The following SPTLC2 variants were observed in gnomAD, a reference collection of about 807,000 sequenced individuals.
SPTLC2 encodes the protein serine palmitoyltransferase long chain base subunit 2, also known as serine palmitoyltransferase 2.
A neutral mutation model predicts 62.0 loss-of-function variants in SPTLC2; 21 were observed. That is an observed-to-expected ratio of 0.34 (90% CI 0.24 to 0.49). The LOEUF is 0.49. Ranked by LOEUF, SPTLC2 falls within the 20% of genes least tolerant of loss-of-function variation. The pLI, the probability that SPTLC2 is intolerant of heterozygous loss-of-function variation, is 0.99. For missense variants in SPTLC2, 511 were observed against 713.0 expected, an observed-to-expected ratio of 0.72 and a Z score of 3.23; for synonymous variants, 261 against 261.8, an observed-to-expected ratio of 1.00 and a Z score of 0.03.
chr14:77,552,373 G>T, intron 8 of SPTLC2, 151 bp from the exon 9 acceptor site: 2 of 971,410 alleles, frequency 2.1e-6, no homozygotes, highest in Non-Finnish European at 3.2e-6. Flanking sequence ...CAACATGGTC[G>T]AAGCATACCG....
In SPTLC2 at chr14:77,515,592, C is replaced by T. The variant is rs368644619; in HGVS notation, c.1569+2446G>A. Among the ~76,000 whole-genome samples the T allele has an allele frequency of 2.1e-4, 31 of 146,110 alleles. No individual in the cohort carries two copies. In the East Asian group the frequency reaches 2.4e-3, roughly 11 times the overall value. On this transcript the variant is annotated intron_variant, in intron 11 of 11. Coordinates refer to ENST00000216484, the MANE Select transcript of SPTLC2 (RefSeq NM_004863.4). ...TGAGACAGAGTCTCGCACTGTCGCC[C>T]GGGCTGGAGTGCAGTGGTGCGATCT...
chr14:77,526,768 T>C (rs556132793), intron 9 of SPTLC2, among the ~76,000 whole-genome samples: 1 of 151,958 alleles, frequency 6.6e-6, no homozygotes. Context: ...AAGATCAATA[T>C]GCTGTAACAG....
chr14:77,591,859 G>A (rs2079819470), intron 2 of SPTLC2, among the ~76,000 whole-genome samples: 1 of 152,062 alleles, frequency 6.6e-6, no homozygotes, highest in Non-Finnish European at 1.5e-5. Flanking sequence ...AAGTAGCAGG[G>A]ATTACAGGCA....
chr14:77,596,196 G>T (rs192589362), intron 2 of SPTLC2, among the ~76,000 whole-genome samples: 1 of 152,062 alleles, frequency 6.6e-6, no homozygotes, highest in Non-Finnish European at 1.5e-5. Flanking sequence ...AAAATTAGCC[G>T]GGCACGGTGG....
At position 77,521,503 on chromosome 14, in the gene SPTLC2, T is replaced by C. The variant is rs778814968; in HGVS notation, c.1382A>G (p.Tyr461Cys). The change falls in exon 10 of 12, where the codon TAT becomes TGT. Residue 461 changes from tyrosine to cysteine, a missense_variant. Tyr to Cys is a radical substitution (Grantham distance 194). Coordinates refer to ENST00000216484, the MANE Select transcript of SPTLC2 (RefSeq NM_004863.4). ...CACTACTGGAGAGTCTTCATTTCCATAGATGATGAAGCCCATCTCTTTCAG... is the reference window on the plus strand; with the variant it reads ...CACTACTGGAGAGTCTTCATTTCCACAGATGATGAAGCCCATCTCTTTCAG... ...RRLKEMGFII[Y>C]GNEDSPVVPL... 5 of 1,614,104 alleles carry C rather than the reference T, an allele frequency of 3.1e-6. No individual in the cohort carries two copies. The highest frequency in any genetic ancestry group is 2.2e-5 in the East Asian group (1 of 44,874).
At chr14:77,548,030 A>G (rs1024094806) in intron 9 of SPTLC2, among the ~76,000 whole-genome samples, 1 of 151,910 alleles carries the variant, frequency 6.6e-6, no homozygotes, top group African/African-American at 2.4e-5. Context: ...TTAAACCTCA[A>G]TCTGCTCAGG....
At chr14:77,525,117 ATAT>A (rs1186290722) in intron 9 of SPTLC2, among the ~76,000 whole-genome samples, 1 of 151,060 alleles carries the variant, frequency 6.6e-6, no homozygotes. Flanking sequence ...TACCCCATAA[ATAT>A]TATGTATCAA....
intron 3 of SPTLC2, among the ~76,000 whole-genome samples, chr14:77,577,222 A>G (rs1389107956): frequency 1.4e-5 from 2 of 141,176 alleles, no homozygotes; most frequent in Non-Finnish European, 1.6e-5. Flanking sequence ...TTATCCATTA[A>G]AAGATATACA....
intron 9 of SPTLC2, among the ~76,000 whole-genome samples, chr14:77,548,332 C>T (rs2079539939): frequency 6.6e-6 from 1 of 152,190 alleles, no homozygotes; most frequent in African/African-American, 2.4e-5. Context: ...CTAGATGTCA[C>T]ACACTAAGCT....
Position 77,549,307 on chromosome 14 carries a change from C to T in SPTLC2, c.1303+2789G>A, listed in dbSNP as rs181064576. Among the ~76,000 whole-genome samples, 20 of 151,918 alleles carry T rather than the reference C, an allele frequency of 1.3e-4. No individual in the cohort carries two copies. In the East Asian group the frequency reaches 1.4e-3, roughly 10 times the overall value. ...AATCTAGTTCCCCACCCCTTCAATC[C>T]GGGATGGCCTTAGTGACCTGCTTGT... On this transcript the variant is annotated intron_variant, in intron 9 of 11. Transcript: ENST00000216484.
chr14:77,528,680 T>C (rs915661339), intron 9 of SPTLC2, among the ~76,000 whole-genome samples: 4 of 152,204 alleles, frequency 2.6e-5, no homozygotes, highest in African/African-American at 7.2e-5. Flanking sequence ...GGATAAAATA[T>C]GGAAAAATAC....
At chr14:77,563,436 A>ATG (rs1017962973) in intron 5 of SPTLC2, among the ~76,000 whole-genome samples, 10 of 151,918 alleles carry the variant, frequency 6.6e-5, no homozygotes, top group East Asian at 3.9e-4. Context: ...TATTGTGTGT[A>ATG]TGTGTGTGTG....
intron 1 of SPTLC2, among the ~76,000 whole-genome samples, chr14:77,606,661 T>A (rs1457848445): frequency 6.6e-6 from 1 of 152,136 alleles, no homozygotes; most frequent in African/African-American, 2.4e-5. Flanking sequence ...CCACTCATTC[T>A]ACAAATACTT....
At chr14:77,543,008 T>C (rs2079509514) in intron 9 of SPTLC2, among the ~76,000 whole-genome samples, 2 of 152,202 alleles carry the variant, frequency 1.3e-5, no homozygotes, top group South Asian at 2.1e-4. Context: ...ATCAAGGAAC[T>C]GAGTTTTAAC....
intron 1 of SPTLC2, among the ~76,000 whole-genome samples, chr14:77,600,770 TAAAAG>T (rs1264559101): frequency 6.6e-6 from 1 of 152,076 alleles, no homozygotes; most frequent in Non-Finnish European, 1.5e-5. Context: ...TAAGAAAATG[TAAAAG>T]AAAATAAAAA....
At chr14:77,609,636 C>T (rs567916373) in intron 1 of SPTLC2, among the ~76,000 whole-genome samples, 44 of 152,078 alleles carry the variant, frequency 2.9e-4, no homozygotes, top group African/African-American at 9.4e-4. Context: ...ACTCGGAAGG[C>T]GGAGGCAGGA....
chr14:77,510,879 A>G lies in SPTLC2; in HGVS notation c.*1405T>C, dbSNP rs1416988821. ...AACTGATCCTGGGTATAATATGCCA[A>G]AAGTCCTCTTCACTTAAACTTTGGT... On this transcript the variant is annotated 3_prime_UTR_variant, in exon 12 of 12. Transcript: ENST00000216484. 1 of 152,646 alleles carries G rather than the reference A, an allele frequency of 6.6e-6. No homozygotes were observed. Among genetic ancestry groups the G allele is most frequent in the African/African-American group, 2.4e-5 (1 of 41,450 alleles). 9.5% of individuals were successfully genotyped at this position (152,646 alleles called of 1,614,324 possible).
At chr14:77,616,343 G>C in intron 1 of SPTLC2, 105 bp downstream of exon 1, 2 of 667,916 alleles carry the variant, frequency 3.0e-6, no homozygotes, top group Non-Finnish European at 4.1e-6. Context: ...AACGGCGCCC[G>C]CCCCGCGGAT....
At chr14:77,549,227 C>CAAAA (rs35256374) in intron 9 of SPTLC2, among the ~76,000 whole-genome samples, 6 of 142,870 alleles carry the variant, frequency 4.2e-5, no homozygotes, top group South Asian at 2.2e-4. Flanking sequence ...GACTGCATCT[C>CAAAA]AAAAAAAAAA....
Sources: gnomAD v4.1 joint callset for allele counts (sites outside exome capture counted in the v4.1 genomes callset) on GRCh38, gnomAD v4.1.1 for gene constraint, MANE v1.5 for transcripts, NCBI Gene and HGNC (gene_info 2026-07-23, HGNC 2026-07-21) for gene names.